The following CTDP1 variants were observed in gnomAD, a reference collection of about 807,000 sequenced individuals.
CTDP1 encodes CTD phosphatase 1.
Under a neutral mutation model 91.8 loss-of-function variants are expected in CTDP1, and 47 were observed. The observed-to-expected ratio is 0.51, with a 90% confidence interval of 0.41 to 0.65. The LOEUF (loss-of-function observed/expected upper bound fraction) is 0.65. Ranked by LOEUF, CTDP1 falls within the 30% of genes least tolerant of loss-of-function variation. The probability of loss-of-function intolerance (pLI) is 0.00; values close to 1 mark genes in which losing one functional copy is unlikely to be tolerated. For synonymous variants in CTDP1, 656 were observed against 598.5 expected, an observed-to-expected ratio of 1.10 and a Z score of -1.40; for missense variants, 1,272 against 1,373.7, an observed-to-expected ratio of 0.93 and a Z score of 1.17.
In CTDP1 at chr18:79,688,592, G is replaced by A. The variant is rs149245000; in HGVS notation, c.315-6633G>A. Among the ~76,000 whole-genome samples, 938 of 151,680 alleles carry A rather than the reference G, an allele frequency of 6.2e-3. 43 individuals are homozygous for A. The East Asian group carries it at 0.12, about 19-fold the overall frequency. ...TTTTTGTATTTTTAGTAGAGGCAGG[G>A]TTTTACCATGTTGGCCAGGCTCATC... is the stretch of plus-strand genomic sequence containing the variant. On this transcript the variant is annotated intron_variant, in intron 1 of 12. Coordinates refer to ENST00000613122, the MANE Select transcript of CTDP1 (RefSeq NM_004715.5).
chr18:79,732,919 A>G (rs902980970), intron 11 of CTDP1, among the ~76,000 whole-genome samples: 5 of 151,986 alleles, frequency 3.3e-5, no homozygotes, highest in Admixed American at 1.3e-4. Context: ...CACCTGAGAC[A>G]TGAAAACTCG....
chr18:79,689,941 T>TG, intron 1 of CTDP1, among the ~76,000 whole-genome samples: 1 of 152,324 alleles, frequency 6.6e-6, no homozygotes, highest in South Asian at 2.1e-4. Context: ...CTTGAGGCAT[T>TG]GCCGCCTTGT....
intron 10 of CTDP1, 142 bp from the exon 11 acceptor site, chr18:79,728,765 C>T (rs374127147): frequency 1.0e-4 from 60 of 581,662 alleles, no homozygotes; most frequent in Admixed American, 5.4e-4. Flanking sequence ...AGTGTATTGG[C>T]GAAACATCAC....
chr18:79,730,951 C>T (rs1568209219), intron 11 of CTDP1, among the ~76,000 whole-genome samples: 2 of 152,244 alleles, frequency 1.3e-5, no homozygotes. Flanking sequence ...TCCTCGTGGC[C>T]TGGCCCTGGC....
chr18:79,710,322 C>A (rs746161406), intron 5 of CTDP1, 24 bp from the exon 6 acceptor site: 7 of 1,590,670 alleles, frequency 4.4e-6, no homozygotes, highest in Non-Finnish European at 6.0e-6. Context: ...GGTATGTAAT[C>A]TTTGTCCTGT....
intron 12 of CTDP1, among the ~76,000 whole-genome samples, chr18:79,737,152 C>T (rs548795058): frequency 3.9e-5 from 6 of 152,332 alleles, no homozygotes; most frequent in South Asian, 4.1e-4. Context: ...TGTTTTCGGG[C>T]GTTTGGCCGC....
intron 1 of CTDP1, among the ~76,000 whole-genome samples, chr18:79,682,078 C>T (rs1006172551): frequency 3.9e-5 from 6 of 152,130 alleles, no homozygotes; most frequent in African/African-American, 1.4e-4. Context: ...CAGTTCTGGT[C>T]GTCTGTTTGG....
chr18:79,750,211 G>C (rs2086968408), intron 12 of CTDP1, among the ~76,000 whole-genome samples: 3 of 152,016 alleles, frequency 2.0e-5, no homozygotes, highest in Admixed American at 1.3e-4. Flanking sequence ...ACAGGGTCTT[G>C]CTCTGTCGCC....
intron 11 of CTDP1, among the ~76,000 whole-genome samples, chr18:79,734,483 G>A (rs1427478433): frequency 2.0e-5 from 3 of 152,230 alleles, no homozygotes; most frequent in South Asian, 2.1e-4. Flanking sequence ...TGTGCAAAAC[G>A]TACCTCCAGA....
chr18:79,732,875 A>C (rs1050076534), intron 11 of CTDP1, among the ~76,000 whole-genome samples: 4 of 151,610 alleles, frequency 2.6e-5, no homozygotes, highest in African/African-American at 9.7e-5. Flanking sequence ...TGTGAGACGT[A>C]AGAACTCGCT....
chr18:79,753,774 T>A lies in CTDP1; in HGVS notation c.2870T>A (p.Leu957His). The change falls in exon 13 of 13, where the codon CTC becomes CAC. Residue 957 changes from leucine (L) to histidine (H), a missense_variant. Leu to His is a moderately conservative substitution (Grantham distance 99). Around this residue, in one of 3 missense-constraint regions of CTDP1, gnomAD observed 881 missense variants for 911.6 expected, o/e 0.97. Transcript: ENST00000613122. ...ATGGCCAAGGCGCTGGAGGCGGAGC[T>A]CAACGACCTCATGTGAGCGCGGGCA... ...DEMAKALEAE[L>H]NDLM is the part of the protein sequence containing the mutation. The A allele has an allele frequency of 6.2e-7, 1 of 1,613,470 alleles. No homozygotes were observed. Among genetic ancestry groups the A allele is most frequent in the Non-Finnish European group, 8.5e-7 (1 of 1,179,950 alleles).
intron 12 of CTDP1, among the ~76,000 whole-genome samples, chr18:79,748,387 G>GA (rs533711323): frequency 4.1e-4 from 63 of 152,320 alleles, no homozygotes; most frequent in African/African-American, 1.4e-3. Flanking sequence ...GGCCTGGGGG[G>GA]ACCCATGGAG....
Position 79,753,702 on chromosome 18 carries a change from G to A in CTDP1, c.2798G>A (p.Arg933Lys). ...GAGGACGCCGCCAGCGAGTCCAGCA[G>A]GGAGTCCAGCAACGAGGATGAGGGC... is the stretch of plus-strand genomic sequence containing the variant. Reference protein sequence around the residue: ...NEEDAASESSRESSNEDEGSS... With the variant: ...NEEDAASESSKESSNEDEGSS... Residue 933 changes from arginine (R) to lysine (K), a missense_variant, in exon 13 of 13, where the codon AGG becomes AAG. Around this residue, in one of 3 missense-constraint regions of CTDP1, gnomAD observed 881 missense variants for 911.6 expected, o/e 0.97. Coordinates refer to ENST00000613122, the MANE Select transcript of CTDP1 (RefSeq NM_004715.5). 6.2e-7 allele frequency: 1 copy of A among 1,614,120 alleles called. No homozygotes were observed. The highest frequency in any genetic ancestry group is 8.5e-7 in the Non-Finnish European group (1 of 1,179,970).
In CTDP1 at chr18:79,717,955, G is replaced by T. The variant is rs545124895; in HGVS notation, c.2356G>T (p.Ala786Ser). 2 of 1,613,402 alleles carry T rather than the reference G, an allele frequency of 1.2e-6. No homozygotes were observed. Among genetic ancestry groups the T allele is most frequent in the Non-Finnish European group, 1.7e-6 (2 of 1,179,980 alleles). ...SNTGKLIRTGARGPPAPSSSL... is the reference protein window; with the variant it reads ...SNTGKLIRTGSRGPPAPSSSL... Reference sequence around the variant, plus strand: ...CACGGGGAAGCTCATCAGGACGGGCGCCCGGGGGCCCCCAGCACCCTCCAG... The same window carrying T: ...CACGGGGAAGCTCATCAGGACGGGCTCCCGGGGGCCCCCAGCACCCTCCAG... Residue 786 changes from alanine to serine, a missense_variant, in exon 10 of 13, where the codon GCC (alanine) becomes TCC (serine). Transcript: ENST00000613122.
At chr18:79,715,800 G>A (rs968012780) in intron 8 of CTDP1, among the ~76,000 whole-genome samples, 1 of 152,170 alleles carries the variant, frequency 6.6e-6, no homozygotes, top group Non-Finnish European at 1.5e-5. Flanking sequence ...AGCCATGGCC[G>A]GGTTGGAAAA....
intron 12 of CTDP1, among the ~76,000 whole-genome samples, chr18:79,746,486 G>A (rs139907709): frequency 3.3e-5 from 5 of 152,368 alleles, no homozygotes; most frequent in Admixed American, 6.5e-5. Context: ...CATAGCACGC[G>A]GAGTTTTGGT....
In CTDP1 at chr18:79,714,605, G is replaced by A. The variant is rs768878157; in HGVS notation, c.1145G>A (p.Arg382Gln). 9.7e-5 allele frequency: 156 copies of A among 1,612,982 alleles called. No homozygotes were observed. The highest frequency in any genetic ancestry group is 1.7e-4 in the Middle Eastern group (1 of 6,060). Residue 382 changes from arginine (R) to glutamine (Q), a missense_variant, in exon 8 of 13, where the codon CGG becomes CAG. Coordinates refer to ENST00000613122, the MANE Select transcript of CTDP1 (RefSeq NM_004715.5). ...EPSNGLEKPA[R>Q]ELNGSEAATP... ...AGCAATGGCCTGGAGAAGCCTGCAC[G>A]GGAGCTGAACGGCAGCGAGGCCGCC...
rs754654 is a variant in CTDP1 at position 79,704,031 on chromosome 18, G to A, written c.622-736G>A. Among the ~76,000 whole-genome samples the A allele has an allele frequency of 2.4e-3, 372 of 152,270 alleles. 1 individual carries two copies. The highest frequency in any genetic ancestry group is 8.6e-3 in the African/African-American group (358 of 41,544). ...GTTACCGTAGGCTGTTACTGTTAAC[G>A]TGGTACCCAGGGTGGTTATCTTGAA... On this transcript the variant is annotated intron_variant, in intron 4 of 12. Coordinates refer to ENST00000613122, the MANE Select transcript of CTDP1 (RefSeq NM_004715.5).
chr18:79,700,368 A>C (rs1291660119), intron 4 of CTDP1, among the ~76,000 whole-genome samples: 1 of 152,252 alleles, frequency 6.6e-6, no homozygotes, highest in Non-Finnish European at 1.5e-5. Context: ...CAAACTAAAA[A>C]TACTACTTCA....
Sources: gnomAD v4.1 joint callset for allele counts (sites outside exome capture counted in the v4.1 genomes callset) on GRCh38, gnomAD v4.1.1 for gene constraint, gnomAD v4.1.1 regional missense constraint, MANE v1.5 for transcripts, NCBI Gene and HGNC (gene_info 2026-07-23, HGNC 2026-07-21) for gene names.